Variants in NLRP8 observed in about 807,000 individuals in gnomAD.
The protein encoded by NLRP8 is NLR family pyrin domain containing 8.
In NLRP8, 86 loss-of-function variants were observed where a neutral mutation model predicts 88.7. The ratio of observed to expected loss-of-function variants is 0.97; its 90% confidence interval spans 0.81 to 1.16. The LOEUF (loss-of-function observed/expected upper bound fraction) is 1.16. Ranked by LOEUF, NLRP8 falls within the 50% of genes most tolerant of loss-of-function variation. The probability of loss-of-function intolerance (pLI) is 0.00; values close to 1 mark genes in which losing one functional copy is unlikely to be tolerated. For synonymous variants in NLRP8, 504 were observed against 494.6 expected (o/e 1.02, Z -0.25); for missense variants, 1,342 against 1,286.5 (o/e 1.04, Z -0.66).
chr19:55,980,256 A>G (rs1980516334), intron 9 of NLRP8, among the ~76,000 whole-genome samples: 1 of 152,220 alleles, frequency 6.6e-6, no homozygotes, highest in Admixed American at 6.5e-5. Context: ...TGGAGATTTT[A>G]TAATGACTGA....
chr19:55,960,926 G>A, intron 3 of NLRP8, among the ~76,000 whole-genome samples: 1 of 110,242 alleles, frequency 9.1e-6, no homozygotes, highest in African/African-American at 3.7e-5. Context: ...TTTTGAGACA[G>A]AGTCTCACAC....
At chr19:55,986,966 A>T (rs1599866067) in intron 9 of NLRP8, among the ~76,000 whole-genome samples, 1 of 152,330 alleles carries the variant, frequency 6.6e-6, no homozygotes, top group Non-Finnish European at 1.5e-5. Context: ...TCCTTGAAAG[A>T]ACAAAGTCCA....
At position 55,969,914 on chromosome 19, in the gene NLRP8, T is replaced by G. The variant is rs148534069; in HGVS notation, c.2382-630T>G. Among the ~76,000 whole-genome samples, 445 of 152,240 alleles carry G rather than the reference T, an allele frequency of 2.9e-3. 2 individuals are homozygous for G. Among genetic ancestry groups the G allele is most frequent in the African/African-American group, 1.0e-2 (414 of 41,548 alleles). On this transcript the variant is annotated intron_variant, in intron 5 of 9. Coordinates refer to ENST00000291971, the MANE Select transcript of NLRP8 (RefSeq NM_176811.2). The stretch of plus-strand genomic sequence containing the variant: ...TAAACAGCCCACCTTGAGGCCGAAA[T>G]CCAGCCCGAGAAGACAGTGGCTGTG...
intron 4 of NLRP8, among the ~76,000 whole-genome samples, chr19:55,962,636 C>G (rs770940342): frequency 7.2e-5 from 11 of 152,116 alleles, no homozygotes; most frequent in Non-Finnish European, 1.5e-4. Flanking sequence ...CGCCTATTTA[C>G]TTCAGCTCAG....
intron 7 of NLRP8, among the ~76,000 whole-genome samples, chr19:55,974,482 G>A (rs981200671): frequency 6.6e-6 from 1 of 150,900 alleles, no homozygotes; most frequent in Non-Finnish European, 1.5e-5. Flanking sequence ...TCACTGTTTT[G>A]GGAGGCCTGT....
intron 6 of NLRP8, among the ~76,000 whole-genome samples, chr19:55,970,944 T>C (rs1980049466): frequency 6.6e-6 from 1 of 152,202 alleles, no homozygotes; most frequent in South Asian, 2.1e-4. Context: ...ATGAGTCCTA[T>C]GTATCCATCA....
At chr19:55,984,861 A>G (rs907746199) in intron 9 of NLRP8, among the ~76,000 whole-genome samples, 7 of 152,110 alleles carry the variant, frequency 4.6e-5, no homozygotes, top group Non-Finnish European at 1.0e-4. Flanking sequence ...AAGAATACCT[A>G]ATAAATGGAG....
In NLRP8 at chr19:55,986,485, C is replaced by CACACAT. The variant is rs1555759219; in HGVS notation, c.3048-1324_3048-1323insTACACA. ...ACACTCTCTCACATACACACACACA[C>CACACAT]ACACACACACACACACACACACACT... is the stretch of plus-strand genomic sequence containing the variant. On this transcript the variant is annotated intron_variant, in intron 9 of 9. Transcript: ENST00000291971. Among the ~76,000 whole-genome samples the CACACAT allele has an allele frequency of 6.6e-4, 100 of 150,606 alleles. 1 individual carries two copies. Among genetic ancestry groups the CACACAT allele is most frequent in the African/African-American group, 2.4e-3 (97 of 40,888 alleles).
intron 6 of NLRP8, 21 bp downstream of exon 6, chr19:55,970,717 C>CTGTGGTTGTGGT (rs778564335): frequency 1.2e-6 from 2 of 1,613,100 alleles, no homozygotes; most frequent in Non-Finnish European, 1.7e-6. Context: ...TTTCTAGTGG[C>CTGTGGTTGTGGT]TGTGGTTGTG....
intron 4 of NLRP8, among the ~76,000 whole-genome samples, chr19:55,962,825 G>A (rs940531982): frequency 2.6e-5 from 4 of 152,000 alleles, no homozygotes; most frequent in East Asian, 1.9e-4. Flanking sequence ...TGATCATCAC[G>A]ACAGAGAGAT....
At position 55,955,660 on chromosome 19, in the gene NLRP8, C is replaced by T. The variant is rs1268343936; in HGVS notation, c.1602C>T (p.Ser534=). ...GACTCAAAAATTTTCATGTGTTGAGCCACGTGAATATCCAGCGCCTGATAG... is the reference window on the plus strand; with the variant it reads ...GACTCAAAAATTTTCATGTGTTGAGTCACGTGAATATCCAGCGCCTGATAG... The change falls in exon 3 of 10, where the codon AGC becomes AGT. Residue 534 remains serine (S), a synonymous_variant. Coordinates refer to ENST00000291971, the MANE Select transcript of NLRP8 (RefSeq NM_176811.2). The T allele has an allele frequency of 1.1e-5, 17 of 1,614,186 alleles. No individual in the cohort carries two copies. In the South Asian group the frequency reaches 1.9e-4, roughly 18 times the overall value.
chr19:55,949,058 T>C (rs536667060), intron 1 of NLRP8, among the ~76,000 whole-genome samples: 4 of 152,252 alleles, frequency 2.6e-5, no homozygotes, highest in African/African-American at 4.8e-5. Flanking sequence ...TTCTGAAGTT[T>C]GGGTTGATCA....
At chr19:55,948,820 G>T (rs1220343946) in intron 1 of NLRP8, among the ~76,000 whole-genome samples, 1 of 152,166 alleles carries the variant, frequency 6.6e-6, no homozygotes, top group Non-Finnish European at 1.5e-5. Flanking sequence ...GAAGTAGGAA[G>T]TAAAATAGTG....
chr19:55,951,027 G>C (rs1260303280), intron 1 of NLRP8, among the ~76,000 whole-genome samples: 1 of 151,968 alleles, frequency 6.6e-6, no homozygotes, highest in East Asian at 1.9e-4. Context: ...GCAGTGAGCT[G>C]AGATCACACC....
chr19:55,978,742 G>A (rs1186367903), intron 8 of NLRP8, among the ~76,000 whole-genome samples: 1 of 152,140 alleles, frequency 6.6e-6, no homozygotes. Context: ...TACTGTGTGG[G>A]AGGGCAAAGT....
intron 8 of NLRP8, among the ~76,000 whole-genome samples, chr19:55,977,073 C>G (rs1980374350): frequency 1.4e-5 from 2 of 141,244 alleles, no homozygotes; most frequent in Middle Eastern, 8.0e-3. Flanking sequence ...GAGTGAGACT[C>G]TGTCTCAAAA....
intron 2 of NLRP8, among the ~76,000 whole-genome samples, chr19:55,953,900 C>T (rs1979211994): frequency 7.0e-6 from 1 of 143,156 alleles, no homozygotes; most frequent in South Asian, 2.3e-4. Flanking sequence ...CGCCTGGATT[C>T]AAGCAATTCT....
intron 8 of NLRP8, among the ~76,000 whole-genome samples, chr19:55,976,650 G>A (rs1239150778): frequency 7.0e-6 from 1 of 142,960 alleles, no homozygotes; most frequent in Non-Finnish European, 1.5e-5. Flanking sequence ...TGATATCTGA[G>A]ATGACTGGTC....
At chr19:55,978,969 G>A (rs1452694384) in intron 8 of NLRP8, among the ~76,000 whole-genome samples, 1 of 152,026 alleles carries the variant, frequency 6.6e-6, no homozygotes, top group Non-Finnish European at 1.5e-5. Flanking sequence ...TGGCCCATTA[G>A]GACAATAAAA....
Sources: gnomAD v4.1 joint callset for allele counts (sites outside exome capture counted in the v4.1 genomes callset) on GRCh38, gnomAD v4.1.1 for gene constraint, MANE v1.5 for transcripts, NCBI Gene and HGNC (gene_info 2026-07-23, HGNC 2026-07-21) for gene names.